The following PLA2G4B variants were observed in gnomAD, a reference collection of about 807,000 sequenced individuals.
PLA2G4B encodes the protein phospholipase A2 group IVB.
PLA2G4B carries 122 observed loss-of-function variants against 95.8 expected under a neutral mutation model. The observed-to-expected ratio is 1.27, with a 90% confidence interval of 1.10 to 1.48. The LOEUF (loss-of-function observed/expected upper bound fraction) is 1.48. Ranked by LOEUF, PLA2G4B falls within the 40% of genes most tolerant of loss-of-function variation. PLA2G4B has a pLI of 0.00. For missense variants in PLA2G4B, 1,158 were observed against 996.2 expected, an observed-to-expected ratio of 1.16 and a Z score of -2.19; for synonymous variants, 518 against 421.5, an observed-to-expected ratio of 1.23 and a Z score of -2.80.
At chr15:41,848,119 T>TTGATACATCACAGACTCATACAAA in exon 20 of PLA2G4B, 1 of 581,094 alleles carries the variant, frequency 1.7e-6, no homozygotes, top group Non-Finnish European at 3.1e-6. Flanking sequence ...GTTGGAGCAC[T>TTGATACATCACAGACTCATACAAA]TGATACATCA....
At chr15:41,840,311 TGGTGGAGGCGGGTGG>T (rs2065402989) in intron 2 of PLA2G4B, 81 bp downstream of exon 2, 2 of 1,591,724 alleles carry the variant, frequency 1.3e-6, no homozygotes, top group Non-Finnish European at 8.5e-7. Flanking sequence ...TGGCTGGATT[TGGTGGAGGCGGGTGG>T]GCCGGTGGGC....
At chr15:41,845,450 G>C in intron 14 of PLA2G4B, 130 bp downstream of exon 14, 9 of 1,451,956 alleles carry the variant, frequency 6.2e-6, no homozygotes, top group Non-Finnish European at 8.3e-6. Context: ...CTGGAGACCG[G>C]CACCCTACCA....
Position 41,846,199 on chromosome 15 carries a change from G to GTAGA in PLA2G4B, c.1601-3_1601dup. The GTAGA allele has an allele frequency of 6.2e-7, 1 of 1,612,654 alleles. No individual in the cohort carries two copies. Among genetic ancestry groups the GTAGA allele is most frequent in the African/African-American group, 1.3e-5 (1 of 75,036 alleles). ...TCCCCATTTCCCCCACCTTGCCTGTGTAGACAAGGAGCAGGTCCCCCTTCT... is the reference window on the plus strand; with the variant it reads ...TCCCCATTTCCCCCACCTTGCCTGTGTAGATAGACAAGGAGCAGGTCCCCCTTCT... On this transcript the variant is annotated splice_region_variant and splice_polypyrimidine_tract_variant and intron_variant, in intron 16 of 19. Coordinates refer to ENST00000458483, the MANE Select transcript of PLA2G4B (RefSeq NM_001114633.2).
chr15:41,847,865 C>A lies in PLA2G4B; in HGVS notation c.*5C>A. Reference sequence around the variant, plus strand: ...CGGCAGCGCAGGCCCCACTGATGGCCGGGGCCCCTGCCACCCCTAACTCTC... The same window carrying A: ...CGGCAGCGCAGGCCCCACTGATGGCAGGGGCCCCTGCCACCCCTAACTCTC... On this transcript the variant is annotated 3_prime_UTR_variant, in exon 20 of 20. Coordinates refer to ENST00000458483, the MANE Select transcript of PLA2G4B (RefSeq NM_001114633.2). 6.2e-7 allele frequency: 1 copy of A among 1,611,018 alleles called. No individual in the cohort carries two copies. The highest frequency in any genetic ancestry group is 1.3e-5 in the African/African-American group (1 of 75,040).
At position 41,842,287 on chromosome 15, in the gene PLA2G4B, C is replaced by T; in HGVS notation, c.705+11C>T. ...TTCCCCACGTCCCAGGTACTGGCCT[C>T]CCAGGGAAGGAAGCAAGGCGCCTGG... is the stretch of plus-strand genomic sequence containing the variant. On this transcript the variant is annotated intron_variant, in intron 9 of 19. Coordinates refer to ENST00000458483, the MANE Select transcript of PLA2G4B (RefSeq NM_001114633.2). 1 of 1,613,778 alleles carries T rather than the reference C, an allele frequency of 6.2e-7. No individual in the cohort carries two copies. Among genetic ancestry groups the T allele is most frequent in the Non-Finnish European group, 8.5e-7 (1 of 1,179,950 alleles).
chr15:41,845,666 C>A lies in PLA2G4B; in HGVS notation c.1386C>A (p.Val462=). The A allele has an allele frequency of 5.0e-6, 8 of 1,614,156 alleles. No homozygotes were observed. Among genetic ancestry groups the A allele is most frequent in the South Asian group, 1.1e-5 (1 of 91,086 alleles). ...GEWCEFSPYE[V]GFPKYGAFIP... ...GGTGCGAGTTCTCTCCCTACGAGGT[C>A]GGCTTCCCCAAGTACGGGGCCTTCA... The change falls in exon 15 of 20, where the codon GTC becomes GTA. Residue 462 remains valine (V), a synonymous_variant. Transcript: ENST00000458483.
At chr15:41,846,648 C>G (rs1176698247) in intron 17 of PLA2G4B, 21 bp from the exon 18 acceptor site, 1 of 1,585,642 alleles carries the variant, frequency 6.3e-7, no homozygotes, top group African/African-American at 1.3e-5. Context: ...GTGACAATTG[C>G]TGCTCTCCCC....
Position 41,848,010 on chromosome 15 carries a change from T to A in PLA2G4B, c.*150T>A. The A allele has an allele frequency of 8.9e-7, 1 of 1,125,216 alleles. No individual in the cohort carries two copies. The allele number at this position is 1,125,216 out of a possible 1,614,324, so 69.7% of individuals were successfully genotyped here. On this transcript the variant is annotated 3_prime_UTR_variant, in exon 20 of 20. Transcript: ENST00000458483. The stretch of plus-strand genomic sequence containing the variant: ...TGAGGGCTGGGAGCTCCCTTGCGCC[T>A]CAGCAGTTTGCAGTGGGGTAAGGAG...
In PLA2G4B at chr15:41,842,536, G is replaced by C. The variant is rs2065452541; in HGVS notation, c.706-18G>C. 1 of 1,611,344 alleles carries C rather than the reference G, an allele frequency of 6.2e-7. No individual in the cohort carries two copies. Among genetic ancestry groups the C allele is most frequent in the Non-Finnish European group, 8.5e-7 (1 of 1,179,286 alleles). On this transcript the variant is annotated intron_variant, in intron 9 of 19. Transcript: ENST00000458483. Reference sequence around the variant, plus strand: ...GAGGTGGCCGACCTTTTGTGACTGGGGCCTTCACGGTTTTCAGGAGCCCCT... The same window carrying C: ...GAGGTGGCCGACCTTTTGTGACTGGCGCCTTCACGGTTTTCAGGAGCCCCT...
Position 41,846,307 on chromosome 15 carries a change from G to C in PLA2G4B, c.1705G>C (p.Ala569Pro), listed in dbSNP as rs745628940. Residue 569 changes from alanine (A) to proline (P), a missense_variant, in exon 17 of 20, where the codon GCC becomes CCC. Coordinates refer to ENST00000458483, the MANE Select transcript of PLA2G4B (RefSeq NM_001114633.2). ...DLLTWRPLAQATHNFLRGLHF... is the reference protein window; with the variant it reads ...DLLTWRPLAQPTHNFLRGLHF... ...TCTGACGTGGCGTCCACTGGCCCAG[G>C]CCACACATAATTTCCTGCGTGGCCT... The C allele has an allele frequency of 6.2e-7, 1 of 1,613,694 alleles. No individual in the cohort carries two copies. The highest frequency in any genetic ancestry group is 8.5e-7 in the Non-Finnish European group (1 of 1,179,594).
chr15:41,840,610 A>G lies in PLA2G4B; in HGVS notation c.169A>G (p.Ser57Gly). 1 of 1,614,066 alleles carries G rather than the reference A, an allele frequency of 6.2e-7. No individual in the cohort carries two copies. The highest frequency in any genetic ancestry group is 1.1e-5 in the South Asian group (1 of 91,088). Reference protein sequence around the residue: ...LQTRTVKNSSSPVWNQSFHFR... With the variant: ...LQTRTVKNSSGPVWNQSFHFR... ...GACACGCACGGTCAAGAACAGCAGT[A>G]GCCCTGTCTGGAACCAGAGCTTTCA... The change falls in exon 3 of 20, where the codon AGC (serine) becomes GGC (glycine). Residue 57 changes from serine (S) to glycine (G), a missense_variant. Coordinates refer to ENST00000458483, the MANE Select transcript of PLA2G4B (RefSeq NM_001114633.2).
At chr15:41,844,037 C>G (rs1352520393) in intron 11 of PLA2G4B, among the ~76,000 whole-genome samples, 1 of 152,226 alleles carries the variant, frequency 6.6e-6, no homozygotes, top group Non-Finnish European at 1.5e-5. Context: ...CTTTCCTACT[C>G]TGTTTCTTGG....
chr15:41,846,879 C>G, intron 18 of PLA2G4B, 44 bp downstream of exon 18: 1 of 1,570,776 alleles, frequency 6.4e-7, no homozygotes, highest in East Asian at 2.3e-5. Context: ...GTGGGTGGCC[C>G]CTGTCCCCTG....
rs1021470448 is a variant in PLA2G4B, at chr15:41,845,854, AAG to A, written c.1495+82_1495+83del. On this transcript the variant is annotated intron_variant, in intron 15 of 19. Transcript: ENST00000458483. ...TGGGTGAGAGGGCAGCCTCGGTCAG[AAG>A]AGTTTCCTGGGCCAGGACTGGCCAT... 1.2e-4 allele frequency: 183 copies of A among 1,527,206 alleles called. 1 individual carries two copies. The African/African-American group carries it at 2.1e-3, about 18-fold the overall frequency. 94.6% of individuals were successfully genotyped at this position (1,527,206 alleles called of 1,614,324 possible).
chr15:41,846,164 G>GGTGCAGGAGTCCCCATTT (rs1331443063), intron 16 of PLA2G4B, 39 bp from the exon 17 acceptor site: 29 of 1,599,224 alleles, frequency 1.8e-5, no homozygotes, highest in Non-Finnish European at 2.5e-5. Context: ...TGGGGATAAA[G>GGTGCAGGAGTCCCCATTT]GTGCAGGAGT....
At position 41,844,894 on chromosome 15, in the gene PLA2G4B, C is replaced by G. The variant is rs751578364; in HGVS notation, c.1063C>G (p.Leu355Val). The G allele has an allele frequency of 6.2e-6, 10 of 1,611,506 alleles. No individual in the cohort carries two copies. The highest frequency in any genetic ancestry group is 7.6e-6 in the Non-Finnish European group (9 of 1,179,116). ...GGACCCAGAGTGGTCTCAGAAGGAC[C>G]TGGCAGGGCCCACTGAGTTGCTGAA... ...YEDPEWSQKD[L>V]AGPTELLKTQ... Residue 355 changes from leucine to valine, a missense_variant, in exon 13 of 20, where the codon CTG becomes GTG. By Grantham distance (32) the Leu-to-Val change is conservative (BLOSUM62 1). Transcript: ENST00000458483.
chr15:41,846,224 T>G lies in PLA2G4B; in HGVS notation c.1622T>G (p.Leu541Arg), dbSNP rs138803580. ...GTAGACAAGGAGCAGGTCCCCCTTC[T>G]GAAGATAGAAGAACCACCCTCAACA... is the stretch of plus-strand genomic sequence containing the variant. ...ANLDKEQVPLLKIEEPPSTAG... is the reference protein window; with the variant it reads ...ANLDKEQVPLRKIEEPPSTAG... The change falls in exon 17 of 20, where the codon CTG (leucine) becomes CGG (arginine). Residue 541 changes from leucine to arginine, a missense_variant. Leu to Arg is a moderately radical substitution (Grantham distance 102). Coordinates refer to ENST00000458483, the MANE Select transcript of PLA2G4B (RefSeq NM_001114633.2). 2,023 of 1,614,012 alleles carry G rather than the reference T, an allele frequency of 1.3e-3. 6 individuals carry two copies. Among genetic ancestry groups the G allele is most frequent in the Middle Eastern group, 5.4e-3 (33 of 6,062 alleles).
intron 18 of PLA2G4B, 152 bp from the exon 19 acceptor site, chr15:41,847,185 G>A (rs1363534961): frequency 2.5e-5 from 29 of 1,146,162 alleles, no homozygotes; most frequent in Non-Finnish European, 2.8e-5. Context: ...CCTGTCAGGT[G>A]TGGAGAGTTT....
In PLA2G4B at chr15:41,846,042, AC is replaced by A; in HGVS notation, c.1597del (p.Leu533TrpfsTer9). ...FWDRWVRNQA[N>X]LDKEQVPLLK... is the part of the protein sequence containing the mutation. ...GACCGCTGGGTCAGGAACCAGGCCAACCTGGGTAAGTGCTCCGGGCCCTTCA... is the reference window on the plus strand; with the variant it reads ...GACCGCTGGGTCAGGAACCAGGCCAACTGGGTAAGTGCTCCGGGCCCTTCA... On this transcript the variant is annotated frameshift_variant, in exon 16 of 20. Transcript: ENST00000458483. LOFTEE classifies it high-confidence loss of function. 6.4e-7 allele frequency: 1 copy of A among 1,561,424 alleles called. No individual in the cohort carries two copies. Among genetic ancestry groups the A allele is most frequent in the Non-Finnish European group, 8.7e-7 (1 of 1,152,772 alleles).
Sources: gnomAD v4.1 joint callset for allele counts (sites outside exome capture counted in the v4.1 genomes callset) on GRCh38, gnomAD v4.1.1 for gene constraint, MANE v1.5 for transcripts, NCBI Gene and HGNC (gene_info 2026-07-23, HGNC 2026-07-21) for gene names.